Variants in CNTNAP2 observed in about 807,000 individuals in gnomAD.
The protein encoded by CNTNAP2 is contactin-associated protein-like 2.
In CNTNAP2, 98 loss-of-function variants were observed where a neutral mutation model predicts 155.2. The ratio of observed to expected loss-of-function variants is 0.63; its 90% CI spans 0.54 to 0.75. The LOEUF (loss-of-function observed/expected upper bound fraction) is 0.75, where lower values mean the gene tolerates loss of function less well. Among genes scored for constraint, CNTNAP2 ranks in the 30% least tolerant of loss-of-function variants. The pLI is 0.00. For missense variants in CNTNAP2, 1,727 were observed against 1,688.1 expected, an observed-to-expected ratio of 1.02 and a Z score of -0.40; for synonymous variants, 651 against 631.2, an observed-to-expected ratio of 1.03 and a Z score of -0.47.
intron 3 of CNTNAP2, among the ~76,000 whole-genome samples, chr7:146,955,367 A>G (rs1797410829): frequency 6.6e-6 from 1 of 152,070 alleles, no homozygotes; most frequent in Non-Finnish European, 1.5e-5. Flanking sequence ...TTTTCCTAGC[A>G]CGAAGACCTG....
intron 15 of CNTNAP2, among the ~76,000 whole-genome samples, chr7:148,100,448 A>G (rs73472231): frequency 0.1 from 15,285 of 152,224 alleles, 2,075 homozygotes; most frequent in African/African-American, 0.31. Flanking sequence ...TGTGCATATT[A>G]TATATGTGGG....
chr7:147,056,066 G>T (rs142634177), intron 4 of CNTNAP2, among the ~76,000 whole-genome samples: 1 of 152,070 alleles, frequency 6.6e-6, no homozygotes, highest in African/African-American at 2.4e-5. Context: ...TTAACAATCC[G>T]AATTTAATAT....
chr7:147,367,687 C>G (rs1397571339), intron 9 of CNTNAP2, among the ~76,000 whole-genome samples: 1 of 152,130 alleles, frequency 6.6e-6, no homozygotes, highest in African/African-American at 2.4e-5. Context: ...CTAAATGAAC[C>G]TAAGCCATTC....
intron 1 of CNTNAP2, among the ~76,000 whole-genome samples, chr7:146,213,460 C>T (rs544468662): frequency 1.2e-3 from 190 of 152,202 alleles, no homozygotes; most frequent in Non-Finnish European, 2.2e-3. Flanking sequence ...ATTTACATGA[C>T]GACACTGAAA....
chr7:147,711,626 A>C (rs1796401513), intron 13 of CNTNAP2, among the ~76,000 whole-genome samples: 1 of 152,210 alleles, frequency 6.6e-6, no homozygotes, highest in Non-Finnish European at 1.5e-5. Context: ...CTGCCAGAGC[A>C]GCCATTTCTA....
chr7:147,629,864 C>CA (rs1291716862), intron 12 of CNTNAP2, among the ~76,000 whole-genome samples: 1 of 151,734 alleles, frequency 6.6e-6, no homozygotes, highest in African/African-American at 2.4e-5. Context: ...ATGCCCTCAT[C>CA]AAAAAGTCTG....
At chr7:148,175,165 A>C (rs556967374) in intron 18 of CNTNAP2, among the ~76,000 whole-genome samples, 21 of 152,272 alleles carry the variant, frequency 1.4e-4, no homozygotes, top group Middle Eastern at 3.4e-3. Flanking sequence ...ATTGATGGGC[A>C]TTTGGGATGG....
At chr7:148,019,079 A>AGAGTTCAGCCCTGAATACCTGCTG (rs1802231500) in intron 15 of CNTNAP2, among the ~76,000 whole-genome samples, 2 of 152,162 alleles carry the variant, frequency 1.3e-5, no homozygotes, top group Non-Finnish European at 2.9e-5. Context: ...AGTCAGCTAT[A>AGAGTTCAGCCCTGAATACCTGCTG]GAGTTCAGCC....
intron 21 of CNTNAP2, among the ~76,000 whole-genome samples, chr7:148,267,749 G>T (rs1256110811): frequency 6.6e-6 from 1 of 151,608 alleles, no homozygotes; most frequent in Non-Finnish European, 1.5e-5. Flanking sequence ...AACAAACGTT[G>T]TTTGGTGCGT....
intron 8 of CNTNAP2, among the ~76,000 whole-genome samples, chr7:147,186,993 G>A (rs1439021965): frequency 1.0e-5 from 1 of 98,946 alleles, no homozygotes; most frequent in Non-Finnish European, 2.7e-5. Context: ...AATGAGTGGA[G>A]CCTAAACATT....
chr7:148,094,930 A>G (rs1803930234), intron 15 of CNTNAP2, among the ~76,000 whole-genome samples: 2 of 152,350 alleles, frequency 1.3e-5, no homozygotes, highest in Admixed American at 6.5e-5. Context: ...CAGAGAGAAG[A>G]GCACAGTGGC....
chr7:147,540,347 T>C (rs1238652310), intron 11 of CNTNAP2, among the ~76,000 whole-genome samples: 2 of 152,166 alleles, frequency 1.3e-5, no homozygotes, highest in Non-Finnish European at 2.9e-5. Flanking sequence ...CACTTCATTT[T>C]TCAGAATGCA....
intron 1 of CNTNAP2, among the ~76,000 whole-genome samples, chr7:146,297,198 A>G (rs1800528524): frequency 6.6e-6 from 1 of 152,152 alleles, no homozygotes; most frequent in Non-Finnish European, 1.5e-5. Context: ...TAGAAAAACA[A>G]TTTAAATTGA....
chr7:147,219,939 C>A (rs1166856088), intron 8 of CNTNAP2, among the ~76,000 whole-genome samples: 1 of 120,224 alleles, frequency 8.3e-6, no homozygotes, highest in African/African-American at 3.0e-5. Flanking sequence ...CCACGCCCAG[C>A]TAATTTTTTT....
intron 8 of CNTNAP2, among the ~76,000 whole-genome samples, chr7:147,223,146 T>G (rs1334099362): frequency 3.9e-5 from 6 of 152,202 alleles, no homozygotes; most frequent in Non-Finnish European, 8.8e-5. Flanking sequence ...GTTTTAACTC[T>G]CAGACTCCTT....
At chr7:146,570,613 A>G (rs772235131) in intron 1 of CNTNAP2, among the ~76,000 whole-genome samples, 2 of 152,170 alleles carry the variant, frequency 1.3e-5, no homozygotes, top group Non-Finnish European at 2.9e-5. Context: ...TTCCTCTTCA[A>G]ATTCTAAAGG....
At chr7:146,181,536 A>C (rs1562980103) in intron 1 of CNTNAP2, among the ~76,000 whole-genome samples, 1 of 152,078 alleles carries the variant, frequency 6.6e-6, no homozygotes, top group East Asian at 1.9e-4. Flanking sequence ...TTGATAATAC[A>C]TTTTTTTCTC....
At chr7:146,126,281 G>A (rs183888719) in intron 1 of CNTNAP2, among the ~76,000 whole-genome samples, 288 of 152,260 alleles carry the variant, frequency 1.9e-3, no homozygotes, top group Middle Eastern at 6.8e-3. Flanking sequence ...AAGCCTATTG[G>A]CATAATGTTT....
intron 11 of CNTNAP2, among the ~76,000 whole-genome samples, chr7:147,561,539 G>C (rs6960319): frequency 6.6e-6 from 1 of 151,868 alleles, no homozygotes; most frequent in Non-Finnish European, 1.5e-5. Context: ...AATGTCAGCC[G>C]TCTACACAAA....
Sources: gnomAD v4.1 joint callset for allele counts (sites outside exome capture counted in the v4.1 genomes callset) on GRCh38, gnomAD v4.1.1 for gene constraint, MANE v1.5 for transcripts, NCBI Gene and HGNC (gene_info 2026-07-23, HGNC 2026-07-21) for gene names.